DRC11: variants seen among roughly 807,000 people sequenced by gnomAD.
DRC11 encodes the protein dynein regulatory complex subunit 11.
At chr2:236,493,076 T>C in the DRC11 span, among the ~76,000 whole-genome samples, 1 of 152,196 alleles carries the variant, frequency 6.6e-6, no homozygotes, top group South Asian at 2.1e-4. Context: ...GGACTCACAG[T>C]TCCATGTGGC....
At chr2:236,446,804 T>G in the DRC11 span, among the ~76,000 whole-genome samples, 1 of 152,134 alleles carries the variant, frequency 6.6e-6, no homozygotes, top group Admixed American at 6.5e-5. The surrounding 1 kb of genome is among the most constrained non-coding windows in gnomAD (Gnocchi z 6.2). Flanking sequence ...CCTCAGGCAC[T>G]GTCTGCCCAT....
At chr2:236,497,739 G>A in the DRC11 span, among the ~76,000 whole-genome samples, 2 of 152,110 alleles carry the variant, frequency 1.3e-5, no homozygotes, top group Admixed American at 6.5e-5. The surrounding 1 kb of genome is among the most constrained non-coding windows in gnomAD (Gnocchi z 5.1). Context: ...ATATAAAGTT[G>A]TTCCTCACTT....
At chr2:236,483,593 T>C in the DRC11 span, among the ~76,000 whole-genome samples, 18 of 152,258 alleles carry the variant, frequency 1.2e-4, no homozygotes, top group South Asian at 2.1e-3. This position sits in a 1 kb window ranked among gnomAD's most constrained non-coding sequence, Gnocchi z 4.8. Flanking sequence ...CAGTTCCAAG[T>C]TTCTGGAACA....
chr2:236,467,558 T>G, the DRC11 span, among the ~76,000 whole-genome samples: 4 of 152,228 alleles, frequency 2.6e-5, no homozygotes, highest in African/African-American at 9.7e-5. Context: ...GCCTTCCTTA[T>G]TTTTTGTGGT....
At chr2:236,497,558 T>C in the DRC11 span, 1 of 1,071,446 alleles carries the variant, frequency 9.3e-7, no homozygotes, top group Non-Finnish European at 1.3e-6. The surrounding 1 kb of genome is among the most constrained non-coding windows in gnomAD (Gnocchi z 5.1). Context: ...ACATCGGGCC[T>C]CTGGTATAGC....
At chr2:236,408,564 C>G in the DRC11 span, 38 of 726,146 alleles carry the variant, frequency 5.2e-5, no homozygotes, top group Admixed American at 6.6e-4. The surrounding 1 kb of genome is among the most constrained non-coding windows in gnomAD (Gnocchi z 5.5). Flanking sequence ...GTGGAGGAAG[C>G]AGGTATATGT....
chr2:236,413,632 T>C, the DRC11 span, among the ~76,000 whole-genome samples: 1 of 152,342 alleles, frequency 6.6e-6, no homozygotes, highest in South Asian at 2.1e-4. This position sits in a 1 kb window ranked among gnomAD's most constrained non-coding sequence, Gnocchi z 4.0. Flanking sequence ...GCACTGCAGA[T>C]AAACAAATGT....
chr2:236,433,567 G>T, the DRC11 span, among the ~76,000 whole-genome samples: 1 of 152,146 alleles, frequency 6.6e-6, no homozygotes, highest in Non-Finnish European at 1.5e-5. Flanking sequence ...GCACAACAGC[G>T]ATTGCTTTCT....
At chr2:236,453,854 C>T in the DRC11 span, among the ~76,000 whole-genome samples, 1 of 152,074 alleles carries the variant, frequency 6.6e-6, no homozygotes, top group Non-Finnish European at 1.5e-5. This position sits in a 1 kb window ranked among gnomAD's most constrained non-coding sequence, Gnocchi z 4.9. Context: ...GTTGGCCAGG[C>T]TGGTCTCGAA....
At chr2:236,333,634 G>A in the DRC11 span, among the ~76,000 whole-genome samples, 3 of 152,140 alleles carry the variant, frequency 2.0e-5, no homozygotes, top group Non-Finnish European at 4.4e-5. This position sits in a 1 kb window ranked among gnomAD's most constrained non-coding sequence, Gnocchi z 6.0. Flanking sequence ...AATTCCTGCC[G>A]TGGTGCAAAA....
chr2:236,491,235 A>ACAG, the DRC11 span, among the ~76,000 whole-genome samples: 2 of 69,084 alleles, frequency 2.9e-5, no homozygotes, highest in Non-Finnish European at 6.0e-5. Flanking sequence ...ATATATATAT[A>ACAG]TATATACACA....
the DRC11 span, among the ~76,000 whole-genome samples, chr2:236,393,387 G>A: frequency 0.08 from 12,105 of 152,122 alleles, 806 homozygotes; most frequent in African/African-American, 0.18. The surrounding 1 kb of genome is among the most constrained non-coding windows in gnomAD (Gnocchi z 4.7). Flanking sequence ...GAATGAATGA[G>A]GGAGGCTTCT....
At chr2:236,463,102 C>T in the DRC11 span, among the ~76,000 whole-genome samples, 145 of 152,194 alleles carry the variant, frequency 9.5e-4, 1 homozygote, top group Admixed American at 3.5e-3. The surrounding 1 kb of genome is among the most constrained non-coding windows in gnomAD (Gnocchi z 5.0). Context: ...TTTTAAAGAA[C>T]GAAAGCATTG....
chr2:236,505,775 C>T, the DRC11 span, among the ~76,000 whole-genome samples: 2 of 152,124 alleles, frequency 1.3e-5, no homozygotes, highest in African/African-American at 2.4e-5. Context: ...GATCCCATGT[C>T]CTCTCACTAC....
chr2:236,435,295 T>C, the DRC11 span, among the ~76,000 whole-genome samples: 3 of 152,232 alleles, frequency 2.0e-5, no homozygotes, highest in Non-Finnish European at 4.4e-5. Flanking sequence ...AAGGCAGACG[T>C]GAACAGCATC....
the DRC11 span, among the ~76,000 whole-genome samples, chr2:236,487,703 AT>A: frequency 6.6e-6 from 1 of 152,206 alleles, no homozygotes; most frequent in South Asian, 2.1e-4. Context: ...TCCATTAAGG[AT>A]TTATATCCTC....
chr2:236,456,670 C>T, the DRC11 span, among the ~76,000 whole-genome samples: 4 of 152,344 alleles, frequency 2.6e-5, no homozygotes, highest in South Asian at 8.3e-4. This position sits in a 1 kb window ranked among gnomAD's most constrained non-coding sequence, Gnocchi z 5.4. Flanking sequence ...TAAAATCAGA[C>T]TAGCAATGCC....
chr2:236,448,704 G>T, the DRC11 span, among the ~76,000 whole-genome samples: 1 of 152,120 alleles, frequency 6.6e-6, no homozygotes, highest in African/African-American at 2.4e-5. The surrounding 1 kb of genome is among the most constrained non-coding windows in gnomAD (Gnocchi z 5.3). Context: ...AGGGCCCAAG[G>T]TGCAGCCAGG....
chr2:236,382,585 T>C, the DRC11 span, among the ~76,000 whole-genome samples: 1 of 152,216 alleles, frequency 6.6e-6, no homozygotes, highest in African/African-American at 2.4e-5. Flanking sequence ...GAATATGGTA[T>C]GTCTGTCTAT....
Sources: gnomAD v4.1 joint callset for allele counts (sites outside exome capture counted in the v4.1 genomes callset) on GRCh38, gnomAD v4.1.1 for gene constraint, Gnocchi (gnomAD v3.1) non-coding constraint, MANE v1.5 for transcripts, NCBI Gene and HGNC (gene_info 2026-07-23, HGNC 2026-07-21) for gene names.